CASK: variants seen among roughly 807,000 people sequenced by gnomAD.
CASK encodes calcium/calmodulin dependent serine protein kinase.
A neutral mutation model predicts 82.9 loss-of-function variants in CASK; 4 were observed. The ratio of observed to expected loss-of-function variants is 0.05; its 90% CI spans 0.02 to 0.11. The LOEUF (loss-of-function observed/expected upper bound fraction) is 0.11. Ranked by LOEUF, CASK falls within the 10% of genes least tolerant of loss-of-function variation. The pLI is 1.00. For synonymous variants in CASK, 259 were observed against 253.5 expected (o/e 1.02, Z -0.20); for missense variants, 358 against 720.9 (o/e 0.50, Z 5.76).
At chrX:41,826,725 C>T (rs766821305) in intron 2 of CASK, among the ~76,000 whole-genome samples, 2 of 111,943 alleles carry the variant, frequency 1.8e-5, no homozygotes, top group Non-Finnish European at 3.8e-5. Context: ...GATCTGCCCA[C>T]CTCGACTTCC....
At chrX:41,735,990 A>G (rs1023972303) in intron 5 of CASK, among the ~76,000 whole-genome samples, 1 of 111,770 alleles carries the variant, frequency 8.9e-6, no homozygotes, top group African/African-American at 3.3e-5. Flanking sequence ...CTAGAATGTC[A>G]GCTCCATGAG....
At chrX:41,649,455 T>C (rs2066825177) in intron 8 of CASK, among the ~76,000 whole-genome samples, 1 of 112,000 alleles carries the variant, frequency 8.9e-6, no homozygotes, top group African/African-American at 3.3e-5. Context: ...GTATGTTGTG[T>C]CTTTGTTCTC....
chrX:41,633,601 TTTTTA>T (rs956865492), intron 9 of CASK, among the ~76,000 whole-genome samples: 46 of 109,524 alleles, frequency 4.2e-4, no homozygotes, highest in African/African-American at 1.4e-3. Flanking sequence ...GGATTCTTTT[TTTTTA>T]TTTTTTTTTA....
intron 4 of CASK, among the ~76,000 whole-genome samples, chrX:41,744,158 AG>A (rs1233493312): frequency 9.2e-6 from 1 of 108,817 alleles, no homozygotes; most frequent in Non-Finnish European, 1.9e-5. Context: ...TATGTTTGTG[AG>A]TTTGAACCCT....
At chrX:41,527,765 A>G (rs1569285870) in intron 25 of CASK, among the ~76,000 whole-genome samples, 1 of 112,457 alleles carries the variant, frequency 8.9e-6, no homozygotes, top group Non-Finnish European at 1.9e-5. Context: ...TAACTTTTTC[A>G]TGCTACAAAT....
At chrX:41,849,555 G>A (rs971296141) in intron 2 of CASK, among the ~76,000 whole-genome samples, 13 of 111,459 alleles carry the variant, frequency 1.2e-4, no homozygotes, top group Non-Finnish European at 2.3e-4. Context: ...CATGTGAAAG[G>A]AGAAATTCTA....
At chrX:41,712,867 C>T (rs191089548) in intron 5 of CASK, among the ~76,000 whole-genome samples, 22 of 111,632 alleles carry the variant, frequency 2.0e-4, no homozygotes, top group Admixed American at 7.6e-4. Context: ...CTGTGGCCCC[C>T]TACCCAGGAA....
chrX:41,681,780 A>G (rs1602454985), intron 5 of CASK, among the ~76,000 whole-genome samples: 1 of 109,648 alleles, frequency 9.1e-6, no homozygotes, highest in African/African-American at 3.3e-5. Context: ...CCCCATCTTT[A>G]CTAAAAACAC....
intron 2 of CASK, among the ~76,000 whole-genome samples, chrX:41,830,086 G>A: frequency 9.3e-6 from 1 of 107,063 alleles, no homozygotes; most frequent in East Asian, 3.0e-4. Flanking sequence ...TGCAGCCTCA[G>A]CCTCCCAGGC....
At chrX:41,563,356 C>CAAAAAAAA (rs746081703) in intron 16 of CASK, among the ~76,000 whole-genome samples, 1 of 15,133 alleles carries the variant, frequency 6.6e-5, no homozygotes, top group Non-Finnish European at 1.2e-4. Flanking sequence ...GACCCTGTCT[C>CAAAAAAAA]AAAAAAAAAA....
chrX:41,838,582 C>A (rs1405110277), intron 2 of CASK, among the ~76,000 whole-genome samples: 7 of 110,586 alleles, frequency 6.3e-5, no homozygotes. Flanking sequence ...ATGGTGAAAC[C>A]CCGTCTCTAC....
intron 3 of CASK, among the ~76,000 whole-genome samples, chrX:41,751,757 C>G (rs2068793693): frequency 1.8e-5 from 2 of 111,039 alleles, no homozygotes; most frequent in Admixed American, 1.9e-4. Flanking sequence ...AACCTCAATG[C>G]TGGTTGGGCA....
intron 10 of CASK, among the ~76,000 whole-genome samples, chrX:41,626,046 T>C (rs1463289237): frequency 1.9e-5 from 2 of 105,395 alleles, no homozygotes; most frequent in African/African-American, 6.9e-5. Context: ...TGAGGTGATC[T>C]GCCTGCCTTG....
chrX:41,858,877 G>C (rs2071422335), intron 1 of CASK, among the ~76,000 whole-genome samples: 1 of 110,989 alleles, frequency 9.0e-6, no homozygotes, highest in Non-Finnish European at 1.9e-5. Flanking sequence ...GTGGTTTGAG[G>C]GGGAGGGGGT....
intron 15 of CASK, among the ~76,000 whole-genome samples, chrX:41,570,659 G>A (rs113940749): frequency 2.7e-5 from 3 of 112,129 alleles, no homozygotes; most frequent in African/African-American, 6.5e-5. Context: ...GCTGACTACA[G>A]ATTTGTTTGC....
intron 5 of CASK, among the ~76,000 whole-genome samples, chrX:41,683,734 T>C (rs918341379): frequency 8.9e-6 from 1 of 112,191 alleles, no homozygotes; most frequent in African/African-American, 3.2e-5. Flanking sequence ...CCAATCCCCA[T>C]GTTGTTCAAG....
At chrX:41,657,947 A>G (rs1260610660) in intron 8 of CASK, among the ~76,000 whole-genome samples, 1 of 111,172 alleles carries the variant, frequency 9.0e-6, no homozygotes, top group Non-Finnish European at 1.9e-5. Context: ...CCACCCCTCA[A>G]TCTCTGGGTA....
At chrX:41,786,483 C>G (rs1268336288) in intron 3 of CASK, among the ~76,000 whole-genome samples, 3 of 108,062 alleles carry the variant, frequency 2.8e-5, no homozygotes, top group Non-Finnish European at 5.7e-5. Context: ...ATCCTCCCTG[C>G]TTCAGACTCT....
At chrX:41,658,870 T>G (rs1310487371) in intron 8 of CASK, among the ~76,000 whole-genome samples, 1 of 111,311 alleles carries the variant, frequency 9.0e-6, no homozygotes, top group South Asian at 3.8e-4. Context: ...AATAAGATTG[T>G]GATATTGACT....
Sources: gnomAD v4.1 joint callset for allele counts (sites outside exome capture counted in the v4.1 genomes callset) on GRCh38, gnomAD v4.1.1 for gene constraint, MANE v1.5 for transcripts, NCBI Gene and HGNC (gene_info 2026-07-23, HGNC 2026-07-21) for gene names.